The following FMN1 variants were observed in gnomAD, a reference collection of about 807,000 sequenced individuals.
The protein encoded by FMN1 is formin 1, also known as formin-1.
In FMN1, 110 loss-of-function variants were observed where a neutral mutation model predicts 132.4. The observed-to-expected ratio is 0.83, with a 90% CI of 0.71 to 0.97. The LOEUF is 0.97. Among genes scored for constraint, FMN1 ranks in the 50% least tolerant of loss-of-function variants. FMN1 has a pLI of 0.00. For synonymous variants in FMN1, 722 were observed against 651.7 expected (o/e 1.11, Z -1.64); for missense variants, 1,792 against 1,705.3 (o/e 1.05, Z -0.90).
chr15:33,030,782 A>G (rs765208547), intron 6 of FMN1, among the ~76,000 whole-genome samples: 2 of 152,226 alleles, frequency 1.3e-5, no homozygotes, highest in African/African-American at 2.4e-5. Flanking sequence ...TACATTAGAT[A>G]AAATATATAA....
At chr15:33,037,224 T>C (rs1423816667) in intron 6 of FMN1, among the ~76,000 whole-genome samples, 4 of 152,234 alleles carry the variant, frequency 2.6e-5, no homozygotes, top group Admixed American at 6.5e-5. Context: ...ACAAACACAC[T>C]GGACGGTTTT....
chr15:33,037,228 C>T lies in FMN1; in HGVS notation c.2161+27729G>A, dbSNP rs139030417. On this transcript the variant is annotated intron_variant, in intron 6 of 20. Coordinates refer to ENST00000616417, the MANE Select transcript of FMN1 (RefSeq NM_001277313.2). ...TAGGACCTCAGACAAACACACTGGA[C>T]GGTTTTCCAGGTACATCACAACAGG... Among the ~76,000 whole-genome samples, 341 of 152,330 alleles carry T rather than the reference C, an allele frequency of 2.2e-3. 3 individuals carry two copies. Among genetic ancestry groups the T allele is most frequent in the African/African-American group, 7.5e-3 (311 of 41,576 alleles).
intron 16 of FMN1, among the ~76,000 whole-genome samples, chr15:32,867,320 C>T (rs866672350): frequency 2.6e-5 from 4 of 152,220 alleles, no homozygotes; most frequent in Admixed American, 6.5e-5. Flanking sequence ...CCATGCGCTA[C>T]GTCTTGCCTG....
chr15:33,128,032 C>G (rs1258072553), intron 4 of FMN1, among the ~76,000 whole-genome samples: 1 of 151,982 alleles, frequency 6.6e-6, no homozygotes, highest in African/African-American at 2.4e-5. Flanking sequence ...GCAGAATGCC[C>G]AGACACGACA....
chr15:33,052,757 A>G (rs1471648388), intron 6 of FMN1, among the ~76,000 whole-genome samples: 1 of 152,200 alleles, frequency 6.6e-6, no homozygotes, highest in Non-Finnish European at 1.5e-5. Flanking sequence ...CTGAGAACTT[A>G]TCTTCCCATT....
intron 17 of FMN1, among the ~76,000 whole-genome samples, chr15:32,838,509 C>G (rs571708075): frequency 3.3e-5 from 5 of 152,274 alleles, no homozygotes; most frequent in African/African-American, 1.2e-4. Context: ...CAGCAGCAGC[C>G]GTGGGGTTAC....
chr15:33,034,056 T>C (rs2036076555), intron 6 of FMN1, among the ~76,000 whole-genome samples: 1 of 152,032 alleles, frequency 6.6e-6, no homozygotes, highest in Non-Finnish European at 1.5e-5. Context: ...TCTCATCCAG[T>C]CTCAAAGTTT....
intron 9 of FMN1, among the ~76,000 whole-genome samples, chr15:32,931,657 T>G (rs775040990): frequency 2.0e-5 from 3 of 152,224 alleles, no homozygotes; most frequent in Non-Finnish European, 4.4e-5. Context: ...ACAGATAATC[T>G]TACTATTTCA....
intron 4 of FMN1, among the ~76,000 whole-genome samples, chr15:33,115,174 A>C (rs1038110157): frequency 6.6e-5 from 10 of 152,216 alleles, no homozygotes; most frequent in African/African-American, 2.4e-4. Flanking sequence ...GAAGAACTAA[A>C]TAAATTCTTA....
intron 7 of FMN1, among the ~76,000 whole-genome samples, chr15:33,005,196 A>G (rs1249137449): frequency 2.0e-5 from 3 of 150,718 alleles, no homozygotes. Context: ...TAATAATAAT[A>G]TTAAAAAAAA....
intron 2 of FMN1, among the ~76,000 whole-genome samples, chr15:33,183,723 C>T (rs1965783301): frequency 6.6e-6 from 1 of 152,116 alleles, no homozygotes. Context: ...TTCATTTAAG[C>T]ATAGAGTTAC....
At chr15:32,936,288 C>T (rs886684927) in intron 9 of FMN1, among the ~76,000 whole-genome samples, 12 of 152,058 alleles carry the variant, frequency 7.9e-5, no homozygotes, top group Non-Finnish European at 1.0e-4. Flanking sequence ...TGCTTTGTTA[C>T]TTTGTGTTGG....
chr15:32,779,959 A>T (rs1430618697), intron 19 of FMN1, among the ~76,000 whole-genome samples: 1 of 152,252 alleles, frequency 6.6e-6, no homozygotes, highest in Non-Finnish European at 1.5e-5. Context: ...TACAGTGAAT[A>T]GTCCATCTGT....
At chr15:33,124,304 T>A (rs757194684) in intron 4 of FMN1, among the ~76,000 whole-genome samples, 86 of 152,166 alleles carry the variant, frequency 5.7e-4, no homozygotes, top group Non-Finnish European at 1.0e-3. Context: ...GACATAAAAG[T>A]GAGAAGGGGG....
chr15:32,806,612 G>C lies in FMN1; in HGVS notation c.3929-2280C>G, dbSNP rs192452655. ...CTCTAGAAGGCCCTGCACTTAAGTC[G>C]GCTCCCTGGCTGTTTGGTGGCATTA... is the stretch of plus-strand genomic sequence containing the variant. On this transcript the variant is annotated intron_variant, in intron 17 of 20. Transcript: ENST00000616417. 1.3e-5 allele frequency among the ~76,000 whole-genome samples: 2 copies of C among 152,126 alleles called. 1 individual carries two copies. The highest frequency in any genetic ancestry group is 1.3e-4 in the Admixed American group (2 of 15,280).
chr15:33,123,344 G>T (rs931112372), intron 4 of FMN1, among the ~76,000 whole-genome samples: 8 of 151,878 alleles, frequency 5.3e-5, no homozygotes, highest in Non-Finnish European at 1.2e-4. Context: ...TACTGAATTA[G>T]GTAAATACTC....
chr15:32,892,402 T>C (rs1397877062), intron 15 of FMN1, among the ~76,000 whole-genome samples: 22 of 152,246 alleles, frequency 1.4e-4, no homozygotes, highest in Admixed American at 1.4e-3. Context: ...ATCCCTGGTA[T>C]GAAACCCACT....
intron 4 of FMN1, among the ~76,000 whole-genome samples, chr15:33,122,937 G>A (rs748953439): frequency 1.3e-5 from 2 of 152,060 alleles, no homozygotes; most frequent in South Asian, 4.1e-4. Flanking sequence ...TGAGCTAAAT[G>A]CTTTATATAT....
rs144648123 is a variant in FMN1, at chr15:33,188,497, A to G, written c.-197+5412T>C. Among the ~76,000 whole-genome samples, 753 of 151,934 alleles carry G rather than the reference A, an allele frequency of 5.0e-3. 7 individuals carry two copies. Among genetic ancestry groups the G allele is most frequent in the African/African-American group, 0.018 (738 of 41,406 alleles). The stretch of plus-strand genomic sequence containing the variant: ...CTTCTGTGTGTTTCTTCCTTCTTAG[A>G]TGTGGTTCAGGCAGAAGGTCCCTGC... On this transcript the variant is annotated intron_variant, in intron 2 of 20. Coordinates refer to ENST00000616417, the MANE Select transcript of FMN1 (RefSeq NM_001277313.2).
Sources: gnomAD v4.1 joint callset for allele counts (sites outside exome capture counted in the v4.1 genomes callset) on GRCh38, gnomAD v4.1.1 for gene constraint, MANE v1.5 for transcripts, NCBI Gene and HGNC (gene_info 2026-07-23, HGNC 2026-07-21) for gene names.